MEGF6: variants seen among roughly 807,000 people sequenced by gnomAD.
The protein encoded by MEGF6 is multiple EGF like domains 6.
Under a neutral mutation model 207.1 loss-of-function variants are expected in MEGF6, and 184 were observed. The ratio of observed to expected loss-of-function variants is 0.89; its 90% CI spans 0.79 to 1.00. MEGF6 has a LOEUF of 1.00. MEGF6 is among the 50% of genes least tolerant of loss of function. The pLI, the probability that MEGF6 is intolerant of heterozygous loss-of-function variation, is 0.00. For synonymous variants in MEGF6, 1,038 were observed against 910.0 expected, an observed-to-expected ratio of 1.14 and a Z score of -2.53; for missense variants, 2,282 against 2,202.9, an observed-to-expected ratio of 1.04 and a Z score of -0.72.
intron 5 of MEGF6, among the ~76,000 whole-genome samples, chr1:3,523,372 G>A (rs1374636297): frequency 6.6e-6 from 1 of 152,136 alleles, no homozygotes; most frequent in Non-Finnish European, 1.5e-5. Context: ...CTGGGCTCCA[G>A]CCCCCTGCTC....
intron 26 of MEGF6, chr1:3,497,607 T>C: frequency 1.5e-6 from 1 of 678,980 alleles, no homozygotes; most frequent in Admixed American, 2.1e-5. Flanking sequence ...GGCCCGAATG[T>C]GCCCTTGGCA....
At chr1:3,501,768 C>T (rs779453204) in intron 18 of MEGF6, 28 bp downstream of exon 18, 23 of 1,606,218 alleles carry the variant, frequency 1.4e-5, no homozygotes, top group Admixed American at 5.1e-5. Context: ...CCTGGGGAGG[C>T]GGAACTGGGG....
At chr1:3,610,820 C>A (rs550551705) in intron 1 of MEGF6, among the ~76,000 whole-genome samples, 3 of 152,198 alleles carry the variant, frequency 2.0e-5, no homozygotes, top group African/African-American at 4.8e-5. Flanking sequence ...TGGGGCCAGA[C>A]CCTGCCCGGA....
At chr1:3,605,400 CAT>C (rs1164728372) in intron 1 of MEGF6, among the ~76,000 whole-genome samples, 6 of 151,912 alleles carry the variant, frequency 3.9e-5, no homozygotes, top group Non-Finnish European at 5.9e-5. Flanking sequence ...CCCACAATTA[CAT>C]ACACACAACT....
At chr1:3,614,969 G>A (rs1478309229), upstream of MEGF6, among the ~76,000 whole-genome samples, 1 of 152,200 alleles carries the variant, frequency 6.6e-6, no homozygotes, top group African/African-American at 2.4e-5. Context: ...TGCATTCCCA[G>A]GATGAGACAG....
intron 2 of MEGF6, among the ~76,000 whole-genome samples, chr1:3,597,879 C>T (rs1644093282): frequency 6.6e-6 from 1 of 152,218 alleles, no homozygotes; most frequent in Non-Finnish European, 1.5e-5. Flanking sequence ...GAAACTCTTG[C>T]ACAGCTCACC....
At chr1:3,526,573 A>AT (rs1641972368) in intron 4 of MEGF6, among the ~76,000 whole-genome samples, 1 of 151,952 alleles carries the variant, frequency 6.6e-6, no homozygotes, top group East Asian at 1.9e-4. Context: ...TAATTTTTGT[A>AT]TTTTTAATAG....
chr1:3,525,608 G>A lies in MEGF6; in HGVS notation c.482-1362C>T, dbSNP rs1002471990. On this transcript the variant is annotated intron_variant, in intron 4 of 36. Transcript: ENST00000356575. The stretch of plus-strand genomic sequence containing the variant: ...AGGACACCTGGGCCTACCTGCTCCT[G>A]TCCCCAGCCCCGTGGCACAGGCCAC... Among the ~76,000 whole-genome samples the A allele has an allele frequency of 3.3e-5, 5 of 152,324 alleles. No homozygotes were observed. The East Asian group carries it at 7.7e-4, about 24-fold the overall frequency.
chr1:3,611,294 C>G lies in MEGF6; in HGVS notation c.-26G>C, dbSNP rs573836446. 3 of 1,428,496 alleles carry G rather than the reference C, an allele frequency of 2.1e-6. No homozygotes were observed. Among genetic ancestry groups the G allele is most frequent in the Admixed American group, 5.6e-5 (2 of 36,030 alleles). 88.5% of individuals were successfully genotyped at this position (1,428,496 alleles called of 1,614,324 possible). ...CGTGCGCGCCGGTGCCTCCTCCGCT[C>G]TCCGGCTCACAGGCGGCCCCGGCGG... On this transcript the variant is annotated 5_prime_UTR_variant, in exon 1 of 37. Coordinates refer to ENST00000356575, the MANE Select transcript of MEGF6 (RefSeq NM_001409.4).
chr1:3,561,605 C>A (rs1643203899), intron 4 of MEGF6, among the ~76,000 whole-genome samples: 1 of 152,164 alleles, frequency 6.6e-6, no homozygotes, highest in South Asian at 2.1e-4. Flanking sequence ...GCCCAGGAGC[C>A]AGGTCTGGAT....
chr1:3,571,684 T>C (rs1198975317), intron 4 of MEGF6, among the ~76,000 whole-genome samples: 1 of 139,550 alleles, frequency 7.2e-6, no homozygotes, highest in Admixed American at 6.9e-5. Flanking sequence ...CATATGCTGG[T>C]TCCTTCCTGG....
At chr1:3,522,054 A>C (rs1268713916) in intron 5 of MEGF6, among the ~76,000 whole-genome samples, 2 of 152,230 alleles carry the variant, frequency 1.3e-5, no homozygotes, top group African/African-American at 4.8e-5. Context: ...ACCTGTTCCC[A>C]GGGGGTGAAA....
At chr1:3,577,737 C>G (rs1275691436) in intron 4 of MEGF6, among the ~76,000 whole-genome samples, 1 of 152,182 alleles carries the variant, frequency 6.6e-6, no homozygotes, top group Non-Finnish European at 1.5e-5. Context: ...TGAGTGCACC[C>G]CACCCCCAAG....
At position 3,573,152 on chromosome 1, in the gene MEGF6, T is replaced by C. The variant is rs368243942; in HGVS notation, c.481+6673A>G. ...GCTGGGTCCTCCCTGGTGGGCTGTG[T>C]TCCCTCAGGTGTGCTGGGTCCTCCC... On this transcript the variant is annotated intron_variant, in intron 4 of 36. Transcript: ENST00000356575. This position sits in a 1 kb window ranked among gnomAD's most constrained non-coding sequence, Gnocchi z 5.1. Among the ~76,000 whole-genome samples, 347 of 149,218 alleles carry C rather than the reference T, an allele frequency of 2.3e-3. No homozygotes were observed. Among genetic ancestry groups the C allele is most frequent in the African/African-American group, 8.2e-3 (332 of 40,310 alleles).
intron 1 of MEGF6, among the ~76,000 whole-genome samples, chr1:3,608,216 C>T (rs1644279525): frequency 6.6e-6 from 1 of 152,166 alleles, no homozygotes; most frequent in Non-Finnish European, 1.5e-5. Flanking sequence ...GGGAGCCCAG[C>T]TCCTGCCCTG....
rs1344167012 is a variant in MEGF6 at position 3,511,619 on chromosome 1, T to G, written c.1045A>C (p.Thr349Pro). 6.2e-7 allele frequency: 1 copy of G among 1,612,408 alleles called. No homozygotes were observed. The highest frequency in any genetic ancestry group is 1.7e-5 in the Admixed American group (1 of 59,996). The change falls in exon 9 of 37, where the codon ACC becomes CCC. Residue 349 changes from threonine (T) to proline (P), a missense_variant. Thr to Pro is a conservative substitution (Grantham distance 38, BLOSUM62 -1). Coordinates refer to ENST00000356575, the MANE Select transcript of MEGF6 (RefSeq NM_001409.4). ...CATGTGCACAGGGGCCCAGCACTGG[T>G]GTGGCTGCAGCCATGGGAGCAGCCG... ...NGGCSHGCSH[T>P]SAGPLCTCPR... is the part of the protein sequence containing the mutation.
intron 29 of MEGF6, among the ~76,000 whole-genome samples, 173 bp from the exon 30 acceptor site, chr1:3,496,191 C>T (rs1049739438): frequency 2.0e-5 from 3 of 152,236 alleles, no homozygotes; most frequent in African/African-American, 7.2e-5. Context: ...CTTCCACCCG[C>T]AGGCCTGCTG....
At chr1:3,529,512 G>C (rs1642076647) in intron 4 of MEGF6, among the ~76,000 whole-genome samples, 1 of 152,222 alleles carries the variant, frequency 6.6e-6, no homozygotes, top group African/African-American at 2.4e-5. Context: ...CTATTTTAAG[G>C]AACAGCTGGG....
chr1:3,521,862 A>AG (rs1475613606), intron 5 of MEGF6, among the ~76,000 whole-genome samples: 2 of 152,182 alleles, frequency 1.3e-5, no homozygotes, highest in East Asian at 3.9e-4. Context: ...AGTGCCAGGA[A>AG]GGGGGTCTGG....
Sources: allele counts gnomAD v4.1 joint callset (sites outside exome capture counted in the v4.1 genomes callset), GRCh38; gene constraint gnomAD v4.1.1; non-coding constraint Gnocchi (gnomAD v3.1); transcripts MANE v1.5; gene names NCBI Gene and HGNC (gene_info 2026-07-23, HGNC 2026-07-21).